The following ANKRD55 variants were observed in gnomAD, a reference collection of about 807,000 sequenced individuals.
The protein encoded by ANKRD55 is ankyrin repeat domain 55, also known as ankyrin repeat domain-containing protein 55.
Under a neutral mutation model 60.6 loss-of-function variants are expected in ANKRD55, and 41 were observed. That is an observed-to-expected ratio of 0.68 (90% CI 0.53 to 0.88). The LOEUF (loss-of-function observed/expected upper bound fraction) is 0.88. ANKRD55 is among the 40% of genes least tolerant of loss of function. The probability of loss-of-function intolerance (pLI) is 0.00; values close to 1 mark genes in which losing one functional copy is unlikely to be tolerated. For missense variants in ANKRD55, 732 were observed against 767.6 expected, an observed-to-expected ratio of 0.95 and a Z score of 0.55; for synonymous variants, 264 against 290.3, an observed-to-expected ratio of 0.91 and a Z score of 0.92.
At chr5:56,164,553 T>C (rs1758405895) in intron 5 of ANKRD55, among the ~76,000 whole-genome samples, 1 of 152,202 alleles carries the variant, frequency 6.6e-6, no homozygotes, top group African/African-American at 2.4e-5. Flanking sequence ...CCAGTAGCCA[T>C]GGAGACCATG....
At chr5:56,233,163 AT>A in intron 1 of ANKRD55, 77 bp downstream of exon 1, 1 of 490,298 alleles carries the variant, frequency 2.0e-6, no homozygotes, top group East Asian at 3.3e-5. Flanking sequence ...CATGGGCATA[AT>A]ACACCCTCCA....
chr5:56,104,351 C>G (rs550990492), intron 10 of ANKRD55, among the ~76,000 whole-genome samples: 1 of 152,320 alleles, frequency 6.6e-6, no homozygotes, highest in African/African-American at 2.4e-5. Flanking sequence ...GCCTAGACTT[C>G]AACCCTATAG....
In ANKRD55 at chr5:56,159,859, T is replaced by C; in HGVS notation, c.457A>G (p.Ser153Gly). The part of the protein sequence containing the change: ...LTVLLQQSNI[S>G]EINHQDNEGM... ...TCATTGTCCTGGTGATTAATCTCGC[T>C]GATGTTCGACTGTTGCAACAGGACC... The change falls in exon 6 of 12, where the codon AGC (serine) becomes GGC (glycine). Residue 153 changes from serine to glycine, a missense_variant. Physicochemically the swap from Ser to Gly is moderately conservative, Grantham distance 56 (BLOSUM62 0). This residue lies in a region of ANKRD55 where 597 missense variants were observed against 607.5 expected (regional missense o/e 0.98). Transcript: ENST00000341048. 6.2e-7 allele frequency: 1 copy of C among 1,613,958 alleles called. No homozygotes were observed. Among genetic ancestry groups the C allele is most frequent in the Non-Finnish European group, 8.5e-7 (1 of 1,179,886 alleles).
chr5:56,160,601 A>G (rs1758303626), intron 5 of ANKRD55, among the ~76,000 whole-genome samples: 1 of 152,212 alleles, frequency 6.6e-6, no homozygotes, highest in Admixed American at 6.5e-5. Context: ...AGAAACTTAC[A>G]GAGTGCTTTC....
At chr5:56,143,023 AC>A (rs1434970537) in intron 7 of ANKRD55, among the ~76,000 whole-genome samples, 1 of 152,148 alleles carries the variant, frequency 6.6e-6, no homozygotes, top group Non-Finnish European at 1.5e-5. Context: ...GGAAATGCTG[AC>A]TGAAACCACA....
intron 5 of ANKRD55, among the ~76,000 whole-genome samples, chr5:56,166,146 CTTTCTTTCTTCT>C (rs1561277815): frequency 4.4e-5 from 4 of 91,420 alleles, no homozygotes; most frequent in African/African-American, 2.2e-4. Flanking sequence ...TTCTTTCTTT[CTTTCTTTCTTCT>C]TTCCTTCCTT....
rs1759121878 is a variant in ANKRD55, at chr5:56,192,475, T to G, written c.59-8841A>C. On this transcript the variant is annotated intron_variant, in intron 2 of 11. Coordinates refer to ENST00000341048, the MANE Select transcript of ANKRD55 (RefSeq NM_024669.3). The stretch of plus-strand genomic sequence containing the variant: ...AGAGAAGCAAAAGTCGCCGGTCCCA[T>G]GTCGTCGCCCTCTCTGCCCCCCAGG... The G allele has an allele frequency of 1.3e-5, 3 of 225,340 alleles. No homozygotes were observed. In the South Asian group the frequency reaches 2.6e-4, roughly 19 times the overall value. 14.0% of individuals were successfully genotyped at this position (225,340 alleles called of 1,614,324 possible).
Position 56,126,945 on chromosome 5 carries a change from C to A in ANKRD55, c.774G>T (p.Leu258=), listed in dbSNP as rs1474297226. The part of the protein sequence containing the change: ...HELARVPECN[L]QALDVDDRTP... ...ACCTGTCATCCACATCCAGAGCCTG[C>A]AGGTTACACTCAGGGACTCTTGCCA... The change falls in exon 8 of 12, where the codon CTG becomes CTT. Residue 258 remains leucine, a synonymous_variant. Coordinates refer to ENST00000341048, the MANE Select transcript of ANKRD55 (RefSeq NM_024669.3). 1 of 1,611,518 alleles carries A rather than the reference C, an allele frequency of 6.2e-7. No individual in the cohort carries two copies. Among genetic ancestry groups the A allele is most frequent in the African/African-American group, 1.3e-5 (1 of 74,852 alleles).
intron 3 of ANKRD55, among the ~76,000 whole-genome samples, chr5:56,178,081 T>C (rs1420197509): frequency 6.6e-6 from 1 of 152,198 alleles, no homozygotes; most frequent in Non-Finnish European, 1.5e-5. Flanking sequence ...ACCACATCTC[T>C]CCTGCTCATC....
In ANKRD55 at chr5:56,161,161, A is replaced by G. The variant is rs999469729; in HGVS notation, c.423-1268T>C. On this transcript the variant is annotated intron_variant, in intron 5 of 11. Coordinates refer to ENST00000341048, the MANE Select transcript of ANKRD55 (RefSeq NM_024669.3). ...CTGGAGAGATTTTTTTTTTTTTTAA[A>G]CCACAAATACCTGGACTCTGTACTC... Among the ~76,000 whole-genome samples the G allele has an allele frequency of 2.6e-5, 4 of 151,750 alleles. 1 individual carries two copies. In the South Asian group the frequency reaches 8.3e-4, roughly 32 times the overall value.
At chr5:56,201,614 T>G (rs1183702611) in intron 2 of ANKRD55, among the ~76,000 whole-genome samples, 2 of 152,142 alleles carry the variant, frequency 1.3e-5, no homozygotes, top group Non-Finnish European at 2.9e-5. Flanking sequence ...ACTTGCCAAA[T>G]GGATAAGAAT....
intron 2 of ANKRD55, among the ~76,000 whole-genome samples, chr5:56,218,781 CAT>C (rs1267294081): frequency 6.6e-6 from 1 of 151,888 alleles, no homozygotes; most frequent in African/African-American, 2.4e-5. Flanking sequence ...AGCACACACA[CAT>C]GTTGAGGGAG....
At chr5:56,210,560 C>CAAAAAAAAAA (rs59566826) in intron 2 of ANKRD55, among the ~76,000 whole-genome samples, 3 of 65,158 alleles carry the variant, frequency 4.6e-5, no homozygotes, top group African/African-American at 1.0e-4. Flanking sequence ...GACTACGTCT[C>CAAAAAAAAAA]AAAAAAAAAA....
At chr5:56,199,713 A>G (rs1001140060) in intron 2 of ANKRD55, among the ~76,000 whole-genome samples, 8 of 151,448 alleles carry the variant, frequency 5.3e-5, no homozygotes, top group African/African-American at 1.7e-4. Context: ...ACACGGTGAA[A>G]CCCTGTCTCT....
At chr5:56,184,087 C>T (rs541859302) in intron 2 of ANKRD55, among the ~76,000 whole-genome samples, 1 of 152,284 alleles carries the variant, frequency 6.6e-6, no homozygotes, top group South Asian at 2.1e-4. Context: ...GGCAGCCTTT[C>T]CCACCCTATT....
chr5:56,158,376 A>G (rs1758247549), intron 6 of ANKRD55, among the ~76,000 whole-genome samples: 1 of 152,216 alleles, frequency 6.6e-6, no homozygotes, highest in Non-Finnish European at 1.5e-5. Context: ...TTACTTTAAA[A>G]TTCCATTGAA....
rs114825304 is a variant in ANKRD55 at position 56,100,012 on chromosome 5, C to T, written c.*171G>A. ...TATGCACACCCAAATATTCTAAGTG[C>T]TTATTTAGGGAGTATCTTTATTTGG... On this transcript the variant is annotated 3_prime_UTR_variant, in exon 12 of 12. Coordinates refer to ENST00000341048, the MANE Select transcript of ANKRD55 (RefSeq NM_024669.3). The T allele has an allele frequency of 9.8e-4, 818 of 832,214 alleles. 5 individuals are homozygous for T. The African/African-American group carries it at 0.012, about 12-fold the overall frequency. 51.6% of individuals were successfully genotyped at this position (832,214 alleles called of 1,614,324 possible).
intron 2 of ANKRD55, among the ~76,000 whole-genome samples, chr5:56,200,975 T>C (rs1324472063): frequency 6.6e-6 from 1 of 152,208 alleles, no homozygotes; most frequent in African/African-American, 2.4e-5. Context: ...CATTTACTCA[T>C]CTACCATATG....
intron 7 of ANKRD55, among the ~76,000 whole-genome samples, chr5:56,129,601 A>G (rs1757357453): frequency 6.6e-6 from 1 of 152,224 alleles, no homozygotes; most frequent in Non-Finnish European, 1.5e-5. Context: ...TAAAACAACA[A>G]CAACAACAAT....
Sources: gnomAD v4.1 joint callset for allele counts (sites outside exome capture counted in the v4.1 genomes callset) on GRCh38, gnomAD v4.1.1 for gene constraint, gnomAD v4.1.1 regional missense constraint, MANE v1.5 for transcripts, NCBI Gene and HGNC (gene_info 2026-07-23, HGNC 2026-07-21) for gene names.